The following EPHA6 variants were observed in gnomAD, a reference collection of about 807,000 sequenced individuals.
The protein encoded by EPHA6 is ephrin type-A receptor 6.
EPHA6 carries 50 observed loss-of-function variants against 112.0 expected under a neutral mutation model. The observed-to-expected ratio is 0.45, with a 90% CI of 0.36 to 0.56. The LOEUF (loss-of-function observed/expected upper bound fraction) is 0.56. Ranked by LOEUF, EPHA6 falls within the 20% of genes least tolerant of loss-of-function variation. The probability of loss-of-function intolerance (pLI) is 0.00; values close to 1 mark genes in which losing one functional copy is unlikely to be tolerated. For missense variants in EPHA6, 1,280 were observed against 1,417.4 expected (o/e 0.90, Z 1.56); for synonymous variants, 529 against 490.7 (o/e 1.08, Z -1.03).
chr3:97,591,641 A>G (rs1358736105), intron 11 of EPHA6, among the ~76,000 whole-genome samples: 2 of 152,190 alleles, frequency 1.3e-5, no homozygotes, highest in Non-Finnish European at 2.9e-5. Context: ...CCCATTCACT[A>G]ATACTGCAAG....
intron 10 of EPHA6, 64 bp downstream of exon 10, chr3:97,484,123 A>G: frequency 1.4e-6 from 2 of 1,468,080 alleles, no homozygotes; most frequent in Non-Finnish European, 1.8e-6. Flanking sequence ...TGGTTTATCA[A>G]CATACTATCT....
intron 10 of EPHA6, among the ~76,000 whole-genome samples, chr3:97,527,897 G>A (rs1372788856): frequency 6.6e-6 from 1 of 152,132 alleles, no homozygotes; most frequent in Non-Finnish European, 1.5e-5. Flanking sequence ...ATTTACAGGA[G>A]CAGAGTAAGG....
At chr3:97,683,957 G>A (rs1449202193) in intron 14 of EPHA6, among the ~76,000 whole-genome samples, 2 of 152,070 alleles carry the variant, frequency 1.3e-5, no homozygotes, top group African/African-American at 4.8e-5. Flanking sequence ...TTACCACAAA[G>A]GATTTTGTGA....
intron 14 of EPHA6, among the ~76,000 whole-genome samples, chr3:97,701,218 G>A (rs1181724365): frequency 6.6e-6 from 1 of 152,100 alleles, no homozygotes; most frequent in African/African-American, 2.4e-5. Flanking sequence ...GACAGAGATT[G>A]GTCTGAAAGA....
At chr3:97,552,319 G>T (rs2093039779) in intron 11 of EPHA6, among the ~76,000 whole-genome samples, 2 of 152,090 alleles carry the variant, frequency 1.3e-5, no homozygotes, top group African/African-American at 4.8e-5. Context: ...TAATTGCTAA[G>T]GAGGCCCAGC....
intron 3 of EPHA6, among the ~76,000 whole-genome samples, chr3:97,065,949 T>C (rs1229755428): frequency 6.6e-6 from 1 of 152,098 alleles, no homozygotes. Context: ...AAATGATTAA[T>C]GAATGGTAAT....
chr3:97,649,132 T>C (rs993278866), intron 14 of EPHA6, among the ~76,000 whole-genome samples: 3 of 152,102 alleles, frequency 2.0e-5, no homozygotes, highest in African/African-American at 7.2e-5. Context: ...GGGTGATTTA[T>C]AAAGGATAGA....
intron 2 of EPHA6, among the ~76,000 whole-genome samples, chr3:96,911,556 T>C (rs1038573755): frequency 1.3e-5 from 2 of 152,058 alleles, no homozygotes; most frequent in African/African-American, 4.8e-5. Context: ...TTTGTAAAAC[T>C]GTAATTTTAA....
intron 5 of EPHA6, among the ~76,000 whole-genome samples, chr3:97,251,340 C>T (rs1237642529): frequency 2.0e-5 from 3 of 151,912 alleles, no homozygotes. Flanking sequence ...ACCGTCCTGG[C>T]TAACACAGTG....
chr3:97,571,726 G>A (rs1475721646), intron 11 of EPHA6, among the ~76,000 whole-genome samples: 5 of 152,124 alleles, frequency 3.3e-5, no homozygotes, highest in African/African-American at 9.7e-5. Flanking sequence ...GAATTCTTCC[G>A]TATTAGACTC....
chr3:97,212,857 G>C (rs894488183), intron 3 of EPHA6, among the ~76,000 whole-genome samples: 2 of 152,130 alleles, frequency 1.3e-5, no homozygotes, highest in Admixed American at 6.6e-5. Context: ...TTTCCTGTGT[G>C]TGTGTATATA....
rs78005355 is a variant in EPHA6, at chr3:97,625,615, G to C, written c.2575-12258G>C. ...GTTGTTCTGTCCATTTTTCAGAGTG[G>C]GATTTTGAAATGTTTGTCTGTCTGT... On this transcript the variant is annotated intron_variant, in intron 13 of 17. Transcript: ENST00000389672. Among the ~76,000 whole-genome samples the C allele has an allele frequency of 5.4e-3, 810 of 151,206 alleles. 8 individuals carry two copies. Among genetic ancestry groups the C allele is most frequent in the African/African-American group, 0.018 (740 of 41,322 alleles).
chr3:97,145,334 A>T (rs1489171838), intron 3 of EPHA6, among the ~76,000 whole-genome samples: 2 of 151,398 alleles, frequency 1.3e-5, no homozygotes, highest in Non-Finnish European at 1.5e-5. Flanking sequence ...TATATTCTAT[A>T]CTTTCAGATT....
intron 2 of EPHA6, among the ~76,000 whole-genome samples, chr3:96,979,556 G>A (rs1443583934): frequency 1.3e-5 from 2 of 152,262 alleles, no homozygotes; most frequent in African/African-American, 4.8e-5. Flanking sequence ...AATCCTTTGG[G>A]TATATACCCA....
chr3:97,398,519 AATTG>A (rs950804925), intron 5 of EPHA6, among the ~76,000 whole-genome samples: 1 of 151,394 alleles, frequency 6.6e-6, no homozygotes, highest in Non-Finnish European at 1.5e-5. Flanking sequence ...TTTTTTAATG[AATTG>A]ATTGAGATTT....
chr3:97,432,378 A>G (rs2089564101), intron 6 of EPHA6, among the ~76,000 whole-genome samples: 1 of 152,158 alleles, frequency 6.6e-6, no homozygotes, highest in South Asian at 2.1e-4. Flanking sequence ...TTTAATGAGG[A>G]TGTCCCAGCT....
chr3:97,385,415 G>T (rs969287091), intron 5 of EPHA6, among the ~76,000 whole-genome samples: 3 of 151,906 alleles, frequency 2.0e-5, no homozygotes, highest in Non-Finnish European at 4.4e-5. Flanking sequence ...ATAACAAAAA[G>T]ACATAACATA....
intron 14 of EPHA6, among the ~76,000 whole-genome samples, chr3:97,678,495 C>T (rs1404745296): frequency 6.6e-6 from 1 of 152,088 alleles, no homozygotes; most frequent in East Asian, 1.9e-4. Flanking sequence ...AAGATCTGTT[C>T]CTGCTATTCT....
At chr3:97,613,831 G>T (rs537922168) in intron 13 of EPHA6, among the ~76,000 whole-genome samples, 2 of 152,200 alleles carry the variant, frequency 1.3e-5, no homozygotes, top group African/African-American at 4.8e-5. Context: ...AGTGGTCAAG[G>T]TTACACTTAA....
Sources: gnomAD v4.1 joint callset for allele counts (sites outside exome capture counted in the v4.1 genomes callset) on GRCh38, gnomAD v4.1.1 for gene constraint, MANE v1.5 for transcripts, NCBI Gene and HGNC (gene_info 2026-07-23, HGNC 2026-07-21) for gene names.